ZNF185: variants seen among roughly 807,000 people sequenced by gnomAD.
The protein encoded by ZNF185 is zinc finger protein 185.
A neutral mutation model predicts 58.6 loss-of-function variants in ZNF185; 56 were observed. That is an observed-to-expected ratio of 0.95 (90% CI 0.77 to 1.19). The LOEUF is 1.19. Ranked by LOEUF, ZNF185 falls within the 50% of genes most tolerant of loss-of-function variation. The probability of loss-of-function intolerance (pLI) is 0.00; values close to 1 mark genes in which losing one functional copy is unlikely to be tolerated. For synonymous variants in ZNF185, 230 were observed against 215.9 expected, an observed-to-expected ratio of 1.07 and a Z score of -0.57; for missense variants, 627 against 573.5, an observed-to-expected ratio of 1.09 and a Z score of -0.95.
intron 14 of ZNF185, among the ~76,000 whole-genome samples, chrX:152,937,344 C>G (rs1262266485): frequency 1.8e-5 from 2 of 112,080 alleles, no homozygotes; most frequent in Non-Finnish European, 1.9e-5. Context: ...ACCGTCTGCC[C>G]TGTCTTGGCT....
exon 8 of ZNF185, chrX:152,920,383 G>A (rs782152465): frequency 2.5e-6 from 3 of 1,211,178 alleles, no homozygotes; most frequent in South Asian, 1.8e-5. Flanking sequence ...GCACTCCTAC[G>A]TCCTGTCAGC....
chrX:152,938,116 G>T (rs782268377), exon 15 of ZNF185: 1 of 1,186,346 alleles, frequency 8.4e-7, no homozygotes. Context: ...CTGATAGGAA[G>T]AGCAACAGCA....
chrX:152,922,517 C>A (rs961471107), intron 10 of ZNF185, among the ~76,000 whole-genome samples: 3 of 112,104 alleles, frequency 2.7e-5, no homozygotes, highest in Non-Finnish European at 5.6e-5. Context: ...GTCACCTTAA[C>A]CCTTGCACCA....
chrX:152,954,141 A>C (rs1212160008), intron 16 of ZNF185, among the ~76,000 whole-genome samples: 10 of 111,224 alleles, frequency 9.0e-5, no homozygotes, highest in Non-Finnish European at 1.1e-4. Context: ...AAATAATAAA[A>C]AAAAAAAAGC....
At chrX:152,946,416 C>T (rs959777821) in intron 16 of ZNF185, among the ~76,000 whole-genome samples, 1 of 111,938 alleles carries the variant, frequency 8.9e-6, no homozygotes, top group Non-Finnish European at 1.9e-5. Context: ...TGTTAGATAA[C>T]AAGTTTTACC....
At chrX:152,909,693 A>T (rs1556860483), upstream of ZNF185, among the ~76,000 whole-genome samples, 1 of 112,304 alleles carries the variant, frequency 8.9e-6, no homozygotes, top group Non-Finnish European at 1.9e-5. Context: ...AGCTTGTGGG[A>T]AAAGACGAAG....
the ZNF185 span, among the ~76,000 whole-genome samples, chrX:152,905,372 G>A: frequency 8.9e-6 from 1 of 111,940 alleles, no homozygotes; most frequent in Non-Finnish European, 1.9e-5. Flanking sequence ...AGCCAGCTCT[G>A]ACTATCTCAG....
exon 22 of ZNF185, chrX:152,970,472 T>A (rs1556918382): frequency 3.3e-6 from 4 of 1,210,503 alleles, no homozygotes; most frequent in African/African-American, 1.7e-5. Context: ...CGATGGGCGA[T>A]CTCCTGGATC....
intron 19 of ZNF185, 45 bp downstream of exon 21, chrX:152,965,572 G>A (rs1556914091): frequency 5.6e-6 from 6 of 1,062,164 alleles, no homozygotes; most frequent in Non-Finnish European, 7.7e-6. Flanking sequence ...TTCTCCTGCC[G>A]GCTCCCATAT....
rs148464829 is a variant in ZNF185, at chrX:152,961,674, A to G, written c.1607+1778A>G. Among the ~76,000 whole-genome samples the G allele has an allele frequency of 2.7e-3, 305 of 112,573 alleles. 1 individual carries two copies. The highest frequency in any genetic ancestry group is 4.3e-3 in the Non-Finnish European group (228 of 53,299). On this transcript the variant is annotated intron_variant, in intron 17 of 22. Coordinates refer to ENST00000449285, the Ensembl canonical transcript of ZNF185. ...CCATCCAGCCGCCCTCAAAGAGCAC[A>G]TAGTCCACTAAGGAATAAGCATGAT...
chrX:152,899,594 C>T, the ZNF185 span, among the ~76,000 whole-genome samples: 3 of 113,016 alleles, frequency 2.7e-5, no homozygotes, highest in Admixed American at 9.2e-5. Flanking sequence ...GGGCCAGACA[C>T]GCAGCAGGTG....
At chrX:152,930,075 A>G (rs1259632749) in intron 12 of ZNF185, among the ~76,000 whole-genome samples, 2 of 112,340 alleles carry the variant, frequency 1.8e-5, no homozygotes, top group African/African-American at 6.5e-5. Context: ...CATTTTACAG[A>G]TTAAGAAACT....
intron 14 of ZNF185, among the ~76,000 whole-genome samples, chrX:152,937,405 C>T (rs781982879): frequency 8.9e-6 from 1 of 111,846 alleles, no homozygotes; most frequent in African/African-American, 3.3e-5. Context: ...TCTCCCTTGC[C>T]TTCAGGGTCA....
intron 16 of ZNF185, among the ~76,000 whole-genome samples, chrX:152,947,643 C>G (rs2125787064): frequency 8.9e-6 from 1 of 112,629 alleles, no homozygotes; most frequent in South Asian, 3.7e-4. Context: ...GAGCAAAGAT[C>G]TGACCTGGGG....
chrX:152,920,722 G>A (rs782336285), exon 9 of ZNF185: 2 of 1,212,112 alleles, frequency 1.7e-6, no homozygotes, highest in South Asian at 1.8e-5. Flanking sequence ...CTACCCAGGA[G>A]ACACAGGCAC....
intron 11 of ZNF185, among the ~76,000 whole-genome samples, chrX:152,925,933 T>C (rs1224261735): frequency 8.9e-6 from 1 of 112,195 alleles, no homozygotes; most frequent in East Asian, 2.8e-4. Context: ...TCATAACTCT[T>C]GCCCCCCTTG....
chrX:152,967,053 G>T (rs907009384), intron 19 of ZNF185, 114 bp from the exon 22 acceptor site: 2 of 706,534 alleles, frequency 2.8e-6, no homozygotes, highest in South Asian at 2.7e-5. Context: ...CATGAATGAC[G>T]ACTGGCATCG....
At chrX:152,964,927 A>ACCT (rs1156252960) in intron 18 of ZNF185, among the ~76,000 whole-genome samples, 2 of 111,660 alleles carry the variant, frequency 1.8e-5, no homozygotes, top group African/African-American at 6.5e-5. Flanking sequence ...GGATGAGGCA[A>ACCT]CCTCTAGGCC....
At position 152,964,079 on chromosome X, in the gene ZNF185, C is replaced by T. The variant is rs782551102; in HGVS notation, c.1718+130C>T. ...CCCCAGTTTCTAGCAGGCCATTAGC[C>T]AAGGGGCCACACAGGACAGTGTTAG... On this transcript the variant is annotated intron_variant, in intron 18 of 22. Coordinates refer to ENST00000449285, the Ensembl canonical transcript of ZNF185. The T allele has an allele frequency of 3.8e-5, 22 of 578,493 alleles. No individual in the cohort carries two copies. The East Asian group carries it at 7.5e-4, about 20-fold the overall frequency. The allele number at this position is 578,493 out of a possible 1,213,427, so 47.7% of individuals were successfully genotyped here. A position where few individuals can be genotyped will look rare whatever the true frequency, so the allele number is the denominator to read the frequency against.
Sources: gnomAD v4.1 joint callset for allele counts (sites outside exome capture counted in the v4.1 genomes callset) on GRCh38, gnomAD v4.1.1 for gene constraint, MANE v1.5 for transcripts, NCBI Gene and HGNC (gene_info 2026-07-23, HGNC 2026-07-21) for gene names.